The following GFAP variants were observed in gnomAD, a reference collection of about 807,000 sequenced individuals.
The protein encoded by GFAP is intermediate filament protein.
GFAP carries 38 observed loss-of-function variants against 49.3 expected under a neutral mutation model. The ratio of observed to expected loss-of-function variants is 0.77; its 90% CI spans 0.60 to 1.01. The LOEUF is 1.01. GFAP is among the 50% of genes least tolerant of loss of function. The pLI is 0.00. For missense variants in GFAP, 463 were observed against 579.1 expected (o/e 0.80, Z 2.06); for synonymous variants, 222 against 236.4 (o/e 0.94, Z 0.56).
At chr17:44,908,275 AGAGAGCCTAGGCTCTTCCAAACGGGCTG>A (rs762793640) in intron 7 of GFAP, 126 bp from the exon 8 acceptor site, 12 of 694,702 alleles carry the variant, frequency 1.7e-5, no homozygotes, top group South Asian at 8.2e-5. Context: ...AACCGAGCAG[AGAGAGCCTAGGCTCTTCCAAACGGGCTG>A]GAGAGCCCCC....
At chr17:44,914,960 G>T in intron 1 of GFAP, 66 bp downstream of exon 1, 1 of 1,429,044 alleles carries the variant, frequency 7.0e-7, no homozygotes, top group South Asian at 1.2e-5. Context: ...AGACTTCTCG[G>T]GCACTCCTTC....
rs970172796 is a variant in GFAP at position 44,911,889 on chromosome 17, C to A, written c.781-92G>T. ...GGAGGTGAGCAGCACCCCAGTTAAC[C>A]CCAGGACGTTGGCCCTGGCTGGGAC... On this transcript the variant is annotated intron_variant, in intron 4 of 8. Transcript: ENST00000588735. The A allele has an allele frequency of 2.5e-5, 36 of 1,446,494 alleles. No individual in the cohort carries two copies. The Admixed American group carries it at 6.4e-4, about 26-fold the overall frequency. 89.6% of individuals were successfully genotyped at this position (1,446,494 alleles called of 1,614,324 possible). A position where few individuals can be genotyped will look rare whatever the true frequency, so the allele number is the denominator to read the frequency against.
chr17:44,911,407 C>T lies in GFAP; in HGVS notation c.956G>A (p.Arg319Gln), dbSNP rs748483751. 2.5e-6 allele frequency: 4 copies of T among 1,613,178 alleles called. No homozygotes were observed. The highest frequency in any genetic ancestry group is 1.3e-5 in the African/African-American group (1 of 75,044). The change falls in exon 6 of 9, where the codon CGG becomes CAG. Residue 319 changes from arginine (R) to glutamine (Q), a missense_variant. Arg to Gln is a conservative substitution (Grantham distance 43, BLOSUM62 1). Transcript: ENST00000588735. ...CGCCTCCTGATAACTGGCCGCCTCC[C>T]GCACGTGCCGCTCCTCCTGCTCGCG... ...QMREQEERHV[R>Q]EAASYQEALA...
In GFAP at chr17:44,903,349, A is replaced by T; in HGVS notation, c.*3998T>A. 1 of 1,247,704 alleles carries T rather than the reference A, an allele frequency of 8.0e-7. No homozygotes were observed. The highest frequency in any genetic ancestry group is 3.1e-5 in the East Asian group (1 of 32,592). The allele number at this position is 1,247,704 out of a possible 1,614,324, so 77.3% of individuals were successfully genotyped here. A position where few individuals can be genotyped will look rare whatever the true frequency, so the allele number is the denominator to read the frequency against. On this transcript the variant is annotated 3_prime_UTR_variant, in exon 9 of 9. Transcript: ENST00000588735. ...GCAGGTTGGGCCTGGGAAAGTCCCA[A>T]GCCATCAGCTCAGGTCCAGCCAGCC...
In GFAP at chr17:44,904,714, G is replaced by A. The variant is rs1490964351; in HGVS notation, c.*2633C>T. 6.4e-7 allele frequency: 1 copy of A among 1,550,616 alleles called. No individual in the cohort carries two copies. Among genetic ancestry groups the A allele is most frequent in the Non-Finnish European group, 8.7e-7 (1 of 1,147,010 alleles). On this transcript the variant is annotated 3_prime_UTR_variant, in exon 9 of 9. Coordinates refer to ENST00000588735, the MANE Select transcript of GFAP (RefSeq NM_002055.5). Reference sequence around the variant, plus strand: ...TCTCCTGTCCTGGGGCCCGGCCAGAGCATGCAGTGGCCTGGGACAAAGACC... The same window carrying A: ...TCTCCTGTCCTGGGGCCCGGCCAGAACATGCAGTGGCCTGGGACAAAGACC...
intron 1 of GFAP, 85 bp from the exon 2 acceptor site, chr17:44,914,173 A>T (rs2051850802): frequency 3.2e-6 from 3 of 942,950 alleles, no homozygotes; most frequent in Non-Finnish European, 5.1e-6. Flanking sequence ...GGCAGCTGTC[A>T]CAGAGACCAC....
At chr17:44,910,413 A>G (rs2145630949) in intron 7 of GFAP, 1 of 1,597,286 alleles carries the variant, frequency 6.3e-7, no homozygotes, top group Admixed American at 1.8e-5. Flanking sequence ...AGGGCCTAGC[A>G]GGACAGGGGC....
At position 44,913,804 on chromosome 17, in the gene GFAP, AG is replaced by A. The variant is rs1481945643; in HGVS notation, c.541del (p.Leu181TrpfsTer20). The A allele has an allele frequency of 1.9e-6, 3 of 1,614,016 alleles. No individual in the cohort carries two copies. The highest frequency in any genetic ancestry group is 2.5e-6 in the Non-Finnish European group (3 of 1,179,986). ...CTTCCTCTCCAGATCCAGACGGGCCAGGGTGGCTTCATCTGCTTCCTGGAGT... is the reference window on the plus strand; with the variant it reads ...CTTCCTCTCCAGATCCAGACGGGCCAGGTGGCTTCATCTGCTTCCTGGAGT... ...AYRQEADEAT[L>X]ARLDLERKIE... is the part of the protein sequence containing the mutation. On this transcript the variant is annotated frameshift_variant, in exon 3 of 9. Coordinates refer to ENST00000588735, the MANE Select transcript of GFAP (RefSeq NM_002055.5). LOFTEE classifies it high-confidence loss of function.
At position 44,903,620 on chromosome 17, in the gene GFAP, G is replaced by T. The variant is rs2051600203; in HGVS notation, c.*3727C>A. 7.0e-7 allele frequency: 1 copy of T among 1,430,104 alleles called. No homozygotes were observed. The highest frequency in any genetic ancestry group is 9.1e-7 in the Non-Finnish European group (1 of 1,098,888). 88.6% of individuals were successfully genotyped at this position (1,430,104 alleles called of 1,614,324 possible). A position where few individuals can be genotyped will look rare whatever the true frequency, so the allele number is the denominator to read the frequency against. On this transcript the variant is annotated 3_prime_UTR_variant, in exon 9 of 9. Transcript: ENST00000588735. ...CTTTCCCCCCCCACCCTGAGATCAG[G>T]TCTGGAATGTTAGAAGGGCATCTTG... is the stretch of plus-strand genomic sequence containing the variant.
intron 5 of GFAP, 86 bp from the exon 6 acceptor site, chr17:44,911,542 C>T: frequency 6.4e-7 from 1 of 1,557,452 alleles, no homozygotes; most frequent in Middle Eastern, 2.3e-4. Flanking sequence ...CAGGCCCCGC[C>T]TCTAGCCCGG....
rs1173555306 is a variant in GFAP at position 44,904,317 on chromosome 17, A to G, written c.*3030T>C. On this transcript the variant is annotated 3_prime_UTR_variant, in exon 9 of 9. Transcript: ENST00000588735. ...CAGGAGCCCTTTGCAGATGAATACT[A>G]TGGGCACCTCCATGTCTTCACCACC... The G allele has an allele frequency of 1.0e-5, 16 of 1,545,268 alleles. No homozygotes were observed. The highest frequency in any genetic ancestry group is 1.2e-5 in the Non-Finnish European group (14 of 1,144,054).
chr17:44,911,586 C>T (rs916029005), intron 5 of GFAP, 86 bp downstream of exon 5: 78 of 1,582,754 alleles, frequency 4.9e-5, no homozygotes, highest in Non-Finnish European at 6.2e-5. Flanking sequence ...CGACCCAGGT[C>T]CTCGTCCCTG....
chr17:44,906,930 C>A lies in GFAP; in HGVS notation c.*417G>T, dbSNP rs1231841635. 7.7e-6 allele frequency: 2 copies of A among 260,326 alleles called. No homozygotes were observed. The highest frequency in any genetic ancestry group is 1.5e-5 in the Non-Finnish European group (2 of 130,646). 16.1% of individuals were successfully genotyped at this position (260,326 alleles called of 1,614,324 possible). A position where few individuals can be genotyped will look rare whatever the true frequency, so the allele number is the denominator to read the frequency against. On this transcript the variant is annotated 3_prime_UTR_variant, in exon 9 of 9. Coordinates refer to ENST00000588735, the MANE Select transcript of GFAP (RefSeq NM_002055.5). ...GTTTTCCTCCAGCAGCCTGAGGAAA[C>A]TCAAAGGCACAGTTCCCAGATACTC... is the stretch of plus-strand genomic sequence containing the variant.
chr17:44,911,217 G>A lies in GFAP; in HGVS notation c.1127+19C>T. On this transcript the variant is annotated intron_variant, in intron 6 of 8. Transcript: ENST00000588735. The stretch of plus-strand genomic sequence containing the variant: ...GAGGCAGCAGGGAGACTTCCCCAGG[G>A]GCTGTGATGAGGGCTCACCGGTTCT... The A allele has an allele frequency of 6.2e-7, 1 of 1,606,090 alleles. No individual in the cohort carries two copies. The highest frequency in any genetic ancestry group is 8.5e-7 in the Non-Finnish European group (1 of 1,173,192).
Position 44,913,307 on chromosome 17 carries a change from T to C in GFAP, c.742A>G (p.Ser248Gly), listed in dbSNP as rs1415130176. The C allele has an allele frequency of 1.2e-6, 2 of 1,614,230 alleles. No individual in the cohort carries two copies. The highest frequency in any genetic ancestry group is 1.7e-5 in the Admixed American group (1 of 60,034). Residue 248 changes from serine (S) to glycine (G), a missense_variant, in exon 4 of 9, where the codon AGC (serine) becomes GGC (glycine). By Grantham distance (56) the Ser-to-Gly change is moderately conservative. This residue lies in a region of GFAP where 362 missense variants were observed against 445.5 expected (regional missense o/e 0.81). Coordinates refer to ENST00000588735, the MANE Select transcript of GFAP (RefSeq NM_002055.5). The stretch of plus-strand genomic sequence containing the variant: ...CACTCTTCGGCTTCATGCATGTTGC[T>C]GGACGCCATTGCCTCATACTGCGTG... ...IRTQYEAMAS[S>G]NMHEAEEWYR...
In GFAP at chr17:44,910,607, G is replaced by A. The variant is rs2051738956; in HGVS notation, c.1171+8C>T. 6.4e-6 allele frequency: 10 copies of A among 1,573,466 alleles called. No individual in the cohort carries two copies. Among genetic ancestry groups the A allele is most frequent in the Middle Eastern group, 1.7e-4 (1 of 6,008 alleles). On this transcript the variant is annotated splice_region_variant and intron_variant, in intron 7 of 8. Transcript: ENST00000588735. ...AGTGCCCTTCCCACGAGGCCCTGCT[G>A]TACTGACCTCGAATCTGCAGGTTGG... is the stretch of plus-strand genomic sequence containing the variant.
chr17:44,903,601 C>A lies in GFAP; in HGVS notation c.*3746G>T, dbSNP rs940631847. ...AGGCCAGGTTCTAGAATGGCTTTCC[C>A]CCCCCACCCTGAGATCAGGTCTGGA... On this transcript the variant is annotated 3_prime_UTR_variant, in exon 9 of 9. Transcript: ENST00000588735. The A allele has an allele frequency of 4.3e-5, 61 of 1,403,032 alleles. No individual in the cohort carries two copies. The highest frequency in any genetic ancestry group is 5.6e-5 in the Non-Finnish European group (61 of 1,085,506). The allele number at this position is 1,403,032 out of a possible 1,614,324, so 86.9% of individuals were successfully genotyped here.
At chr17:44,913,963 G>T in intron 2 of GFAP, 65 bp downstream of exon 2, 1 of 1,338,570 alleles carries the variant, frequency 7.5e-7, no homozygotes, top group Non-Finnish European at 1.1e-6. Flanking sequence ...CTTGGGGGCT[G>T]TGTTTGGGTG....
rs1180444877 is a variant in GFAP at position 44,911,834 on chromosome 17, C to A, written c.781-37G>T. On this transcript the variant is annotated intron_variant, in intron 4 of 8. Transcript: ENST00000588735. ...ACACATATGGGGGGCTGTGTGGGCC[C>A]ATGGGCAGGCACGGGCTCTGGGAAA... 5 of 1,596,310 alleles carry A rather than the reference C, an allele frequency of 3.1e-6. No homozygotes were observed. The Admixed American group carries it at 8.4e-5, about 27-fold the overall frequency.
Sources: gnomAD v4.1 joint callset for allele counts on GRCh38, gnomAD v4.1.1 for gene constraint, gnomAD v4.1.1 regional missense constraint, MANE v1.5 for transcripts, NCBI Gene and HGNC (gene_info 2026-07-23, HGNC 2026-07-21) for gene names.